Variants in ATP8B4 observed in about 807,000 individuals in gnomAD.
The protein encoded by ATP8B4 is ATPase phospholipid transporting 8B4 (putative).
A neutral mutation model predicts 145.6 loss-of-function variants in ATP8B4; 133 were observed. The ratio of observed to expected loss-of-function variants is 0.91; its 90% CI spans 0.79 to 1.05. The LOEUF (loss-of-function observed/expected upper bound fraction) is 1.05, where lower values mean the gene tolerates loss of function less well. Ranked by LOEUF, ATP8B4 falls within the 50% of genes least tolerant of loss-of-function variation. The pLI, the probability that ATP8B4 is intolerant of heterozygous loss-of-function variation, is 0.00. For missense variants in ATP8B4, 1,458 were observed against 1,425.2 expected (o/e 1.02, Z -0.37); for synonymous variants, 507 against 492.9 (o/e 1.03, Z -0.38).
chr15:50,059,255 C>A (rs1310598951), intron 3 of ATP8B4, among the ~76,000 whole-genome samples: 1 of 152,104 alleles, frequency 6.6e-6, no homozygotes, highest in African/African-American at 2.4e-5. Context: ...CTGAGCAGAG[C>A]AAGAGCTGCA....
At chr15:50,148,095 T>A (rs2044302374) in intron 1 of ATP8B4, among the ~76,000 whole-genome samples, 1 of 152,064 alleles carries the variant, frequency 6.6e-6, no homozygotes, top group Non-Finnish European at 1.5e-5. Flanking sequence ...TCTGACACAC[T>A]GAGAAGGACA....
rs559162008 is a variant in ATP8B4 at position 50,032,280 on chromosome 15, T to C, written c.362+6488A>G. On this transcript the variant is annotated intron_variant, in intron 6 of 27. Transcript: ENST00000284509. The stretch of plus-strand genomic sequence containing the variant: ...ACTCCCACTTATGAATGAGAACATG[T>C]GGTATTTGGTTTTCTGTTCCTGTGT... Among the ~76,000 whole-genome samples, 3 of 152,036 alleles carry C rather than the reference T, an allele frequency of 2.0e-5. No homozygotes were observed. The East Asian group carries it at 5.8e-4, about 30-fold the overall frequency.
intron 1 of ATP8B4, among the ~76,000 whole-genome samples, chr15:50,138,575 T>G (rs1176329146): frequency 6.6e-6 from 1 of 152,130 alleles, no homozygotes; most frequent in East Asian, 1.9e-4. Flanking sequence ...AATATCCTAA[T>G]AGGCATCATC....
At chr15:49,869,254 T>A (rs78993836) in intron 25 of ATP8B4, among the ~76,000 whole-genome samples, 210 of 145,336 alleles carry the variant, frequency 1.4e-3, no homozygotes, top group African/African-American at 4.9e-3. Context: ...CATACAAGTA[T>A]GAAAAAGTTA....
At chr15:49,888,585 T>C (rs1448543215) in intron 23 of ATP8B4, among the ~76,000 whole-genome samples, 1 of 152,168 alleles carries the variant, frequency 6.6e-6, no homozygotes, top group Non-Finnish European at 1.5e-5. Flanking sequence ...GCTGTATCCT[T>C]GGTAGGGGAC....
intron 1 of ATP8B4, among the ~76,000 whole-genome samples, chr15:50,146,014 C>CA (rs1555497347): frequency 6.7e-5 from 9 of 133,466 alleles, no homozygotes; most frequent in African/African-American, 2.6e-4. Context: ...TAAATGTTTA[C>CA]TTTTTTTTTT....
chr15:50,001,688 A>G (rs1451877842), intron 8 of ATP8B4, among the ~76,000 whole-genome samples: 2 of 152,214 alleles, frequency 1.3e-5, no homozygotes, highest in Non-Finnish European at 2.9e-5. Flanking sequence ...GTCTATAACT[A>G]AATTCTAAAT....
chr15:49,923,249 G>T, intron 17 of ATP8B4, 130 bp downstream of exon 17: 1 of 707,868 alleles, frequency 1.4e-6, no homozygotes, highest in South Asian at 1.8e-5. Flanking sequence ...ACAGCTTCCT[G>T]TGGAACCATT....
At chr15:49,972,344 C>G (rs909489810) in intron 13 of ATP8B4, among the ~76,000 whole-genome samples, 1 of 152,110 alleles carries the variant, frequency 6.6e-6, no homozygotes, top group Non-Finnish European at 1.5e-5. Flanking sequence ...TTTTCTCTAT[C>G]CATGAATGGC....
At chr15:50,124,372 T>G (rs2057293691) in intron 1 of ATP8B4, among the ~76,000 whole-genome samples, 1 of 152,120 alleles carries the variant, frequency 6.6e-6, no homozygotes, top group African/African-American at 2.4e-5. Flanking sequence ...TGTGTGGGAT[T>G]TTCCATCCTC....
At position 50,065,098 on chromosome 15, in the gene ATP8B4, G is replaced by A. The variant is rs535412116; in HGVS notation, c.87+9029C>T. On this transcript the variant is annotated intron_variant, in intron 3 of 27. Coordinates refer to ENST00000284509, the MANE Select transcript of ATP8B4 (RefSeq NM_024837.4). ...TAATTGCTATGAGAGTAGATTTTAA[G>A]TGTTCTCATCATAAAAAAATGATAA... is the stretch of plus-strand genomic sequence containing the variant. Among the ~76,000 whole-genome samples the A allele has an allele frequency of 2.6e-5, 4 of 152,214 alleles. No individual in the cohort carries two copies. In the South Asian group the frequency reaches 8.3e-4, roughly 32 times the overall value.
chr15:49,902,456 AG>A (rs1308820985), intron 20 of ATP8B4, among the ~76,000 whole-genome samples: 3 of 152,254 alleles, frequency 2.0e-5, no homozygotes, highest in Non-Finnish European at 4.4e-5. Context: ...TGATACAAAA[AG>A]ATACATTAAC....
At chr15:49,903,074 T>C (rs1441058404) in intron 20 of ATP8B4, among the ~76,000 whole-genome samples, 1 of 152,204 alleles carries the variant, frequency 6.6e-6, no homozygotes, top group African/African-American at 2.4e-5. Context: ...AGGGACAGTT[T>C]TTCTGGCTCT....
Position 49,996,677 on chromosome 15 carries a change from C to T in ATP8B4, c.589G>A (p.Gly197Arg), listed in dbSNP as rs1213259135. Residue 197 changes from glycine to arginine, a missense_variant and splice_region_variant, in exon 9 of 28, where the codon GGG becomes AGG. Physicochemically the swap from Gly to Arg is moderately radical, Grantham distance 125. Coordinates refer to ENST00000284509, the MANE Select transcript of ATP8B4 (RefSeq NM_024837.4). ...ADISRLAGFD[G>R]IVVCEVPNNK... The stretch of plus-strand genomic sequence containing the variant: ...TTGTTTATCTGTTTAAAATACTTAC[C>T]ATCAAACCCTGCAAGTCTGCTGATA... The T allele has an allele frequency of 2.5e-6, 4 of 1,599,802 alleles. No individual in the cohort carries two copies. Among genetic ancestry groups the T allele is most frequent in the African/African-American group, 1.3e-5 (1 of 74,798 alleles).
intron 14 of ATP8B4, among the ~76,000 whole-genome samples, chr15:49,952,316 C>T (rs2043175319): frequency 6.6e-6 from 1 of 152,212 alleles, no homozygotes; most frequent in African/African-American, 2.4e-5. Context: ...TTTTCCCCTT[C>T]TCCTTCTGGT....
At chr15:50,176,611 G>A (rs2044766576) in intron 1 of ATP8B4, among the ~76,000 whole-genome samples, 1 of 152,094 alleles carries the variant, frequency 6.6e-6, no homozygotes, top group Admixed American at 6.6e-5. Flanking sequence ...TGGAGAGTAT[G>A]TGTGTTGCAG....
rs2047458448 is a variant in ATP8B4 at position 49,996,729 on chromosome 15, T to C, written c.537A>G (p.Leu179=). ...GETNLKVRHA[L]SVTSELGADI... is the part of the protein sequence containing the mutation. ...CTGCTCCAAGTTCTGAAGTAACTGA[T>C]AGTGCATGGCGGACTTTTAGGTTCG... The change falls in exon 9 of 28, where the codon CTA becomes CTG. Residue 179 remains leucine (L), a synonymous_variant. Transcript: ENST00000284509. 3 of 1,611,156 alleles carry C rather than the reference T, an allele frequency of 1.9e-6. No homozygotes were observed. The highest frequency in any genetic ancestry group is 2.5e-6 in the Non-Finnish European group (3 of 1,177,970).
At chr15:49,927,789 C>G (rs2040860895) in intron 16 of ATP8B4, among the ~76,000 whole-genome samples, 3 of 152,110 alleles carry the variant, frequency 2.0e-5, no homozygotes, top group Non-Finnish European at 2.9e-5. Context: ...ATAGCTCCTG[C>G]TGATACAACA....
chr15:50,003,636 T>C (rs2048081514), intron 7 of ATP8B4, among the ~76,000 whole-genome samples: 1 of 152,138 alleles, frequency 6.6e-6, no homozygotes, highest in South Asian at 2.1e-4. Flanking sequence ...TAAACAGCAA[T>C]AGAGCTTAAC....
Sources: allele counts gnomAD v4.1 joint callset (sites outside exome capture counted in the v4.1 genomes callset), GRCh38; gene constraint gnomAD v4.1.1; transcripts MANE v1.5; gene names NCBI Gene and HGNC (gene_info 2026-07-23, HGNC 2026-07-21).